MAP3K14: variants seen among roughly 807,000 people sequenced by gnomAD.
MAP3K14 encodes the protein mitogen-activated protein kinase kinase kinase 14, also known as NF-kappa-beta-inducing kinase.
A neutral mutation model predicts 99.2 loss-of-function variants in MAP3K14; 16 were observed. The ratio of observed to expected loss-of-function variants is 0.16; its 90% CI spans 0.11 to 0.24. The LOEUF (loss-of-function observed/expected upper bound fraction) is 0.24, where lower values mean the gene tolerates loss of function less well. MAP3K14 is among the 10% of genes least tolerant of loss of function. The pLI is 1.00. For synonymous variants in MAP3K14, 462 were observed against 492.4 expected (o/e 0.94, Z 0.82); for missense variants, 784 against 1,208.7 (o/e 0.65, Z 5.21).
Position 45,265,152 on chromosome 17 carries a change from G to T in MAP3K14, c.2679+11C>A. On this transcript the variant is annotated intron_variant, in intron 15 of 15. Transcript: ENST00000344686. ...GGACTCTGCCCGTCAGAGTGTACCT[G>T]CCCCCCTTACCTGGCTGCTGATGCC... is the stretch of plus-strand genomic sequence containing the variant. 6.2e-7 allele frequency: 1 copy of T among 1,607,202 alleles called. No homozygotes were observed. Among genetic ancestry groups the T allele is most frequent in the Non-Finnish European group, 8.5e-7 (1 of 1,173,784 alleles).
intron 6 of MAP3K14, 87 bp from the exon 7 acceptor site, chr17:45,274,680 C>T: frequency 2.7e-6 from 4 of 1,477,106 alleles, no homozygotes; most frequent in South Asian, 1.3e-5. Flanking sequence ...TAGTGCTCCA[C>T]ACACAGAGGC....
chr17:45,308,347 A>G (rs2143869032), intron 1 of MAP3K14, among the ~76,000 whole-genome samples: 1 of 152,276 alleles, frequency 6.6e-6, no homozygotes, highest in South Asian at 2.1e-4. Flanking sequence ...GTTACCTAGA[A>G]GCACTGCCTT....
chr17:45,264,412 C>T lies in MAP3K14; in HGVS notation c.*224G>A. On this transcript the variant is annotated 3_prime_UTR_variant, in exon 16 of 16. Transcript: ENST00000344686. ...CTCCTGCCATCCTCCTCTGTCTCTTCACGTGGCGGAGTGTTTTCTCAGCAG... is the reference window on the plus strand; with the variant it reads ...CTCCTGCCATCCTCCTCTGTCTCTTTACGTGGCGGAGTGTTTTCTCAGCAG... 1.8e-6 allele frequency: 1 copy of T among 543,838 alleles called. No individual in the cohort carries two copies. Among genetic ancestry groups the T allele is most frequent in the Non-Finnish European group, 3.3e-6 (1 of 306,904 alleles). 33.7% of individuals were successfully genotyped at this position (543,838 alleles called of 1,614,324 possible). A position where few individuals can be genotyped will look rare whatever the true frequency, so the allele number is the denominator to read the frequency against.
intron 6 of MAP3K14, 78 bp from the exon 7 acceptor site, chr17:45,274,671 A>G: frequency 6.6e-7 from 1 of 1,523,284 alleles, no homozygotes. Context: ...TCAGCACCCT[A>G]GTGCTCCACA....
intron 2 of MAP3K14, 119 bp downstream of exon 2, chr17:45,290,371 T>G: frequency 2.8e-3 from 3,429 of 1,227,550 alleles, no homozygotes; most frequent in Non-Finnish European, 3.5e-3. Context: ...TTGTGTCTCA[T>G]GAGAATCTTA....
At chr17:45,290,960 C>CG (rs1408041769) in intron 1 of MAP3K14, 195 bp from the exon 2 acceptor site, 2 of 564,182 alleles carry the variant, frequency 3.5e-6, no homozygotes, top group Non-Finnish European at 6.3e-6. Context: ...ACGTTCCACA[C>CG]GGCACAGTCC....
At chr17:45,274,646 G>C in intron 6 of MAP3K14, 53 bp from the exon 7 acceptor site, 1 of 1,590,524 alleles carries the variant, frequency 6.3e-7, no homozygotes, top group Non-Finnish European at 8.5e-7. Flanking sequence ...CCAGAGCTGG[G>C]TCCCTGGCAT....
At chr17:45,305,332 G>A (rs949356102) in intron 1 of MAP3K14, among the ~76,000 whole-genome samples, 17 of 150,914 alleles carry the variant, frequency 1.1e-4, no homozygotes, top group Middle Eastern at 3.5e-3. Flanking sequence ...TCCTGACCTC[G>A]TGATCCACCT....
chr17:45,277,250 C>T (rs113896299), intron 6 of MAP3K14, among the ~76,000 whole-genome samples: 3,748 of 152,062 alleles, frequency 0.025, 152 homozygotes, highest in East Asian at 0.16. Context: ...TGTGCTGCAC[C>T]CATTAACTTG....
chr17:45,299,961 G>A (rs543708801), intron 1 of MAP3K14, among the ~76,000 whole-genome samples: 7 of 152,010 alleles, frequency 4.6e-5, no homozygotes, highest in African/African-American at 9.6e-5. Context: ...ATGGTGGCGC[G>A]TGCCTGTAAT....
chr17:45,290,100 T>C (rs2044298574), intron 2 of MAP3K14, among the ~76,000 whole-genome samples: 1 of 152,182 alleles, frequency 6.6e-6, no homozygotes. Context: ...AGGTGGAAGA[T>C]GGTGAAGGCC....
At chr17:45,285,117 C>G (rs2044253541) in intron 5 of MAP3K14, among the ~76,000 whole-genome samples, 168 bp from the exon 6 acceptor site, 1 of 152,130 alleles carries the variant, frequency 6.6e-6, no homozygotes, top group Non-Finnish European at 1.5e-5. Context: ...CCGGGCAGCA[C>G]CAGAGAGGGG....
chr17:45,269,099 C>T (rs1332753393), intron 11 of MAP3K14, among the ~76,000 whole-genome samples: 2 of 152,178 alleles, frequency 1.3e-5, no homozygotes, highest in Admixed American at 6.5e-5. Flanking sequence ...TCACTGCAGC[C>T]TCGACCTTCC....
chr17:45,287,633 C>T (rs1308519094), intron 3 of MAP3K14, among the ~76,000 whole-genome samples: 1 of 152,170 alleles, frequency 6.6e-6, no homozygotes, highest in Non-Finnish European at 1.5e-5. Context: ...AGTGTCTGGC[C>T]CCAAGGCAAG....
chr17:45,286,719 G>T lies in MAP3K14; in HGVS notation c.864C>A (p.Ala288=). ...GCAAGGGTTTCTGGCTGTCTACACAGGCCAGTTTGCCCAGGAAGGACTCCA... is the reference window on the plus strand; with the variant it reads ...GCAAGGGTTTCTGGCTGTCTACACATGCCAGTTTGCCCAGGAAGGACTCCA... ...HPLESFLGKL[A]CVDSQKPLPD... Residue 288 remains alanine (A), a synonymous_variant, in exon 5 of 16, where the codon GCC becomes GCA. Transcript: ENST00000344686. This position sits in a 1 kb window ranked among gnomAD's most constrained non-coding sequence, Gnocchi z 4.1. The T allele has an allele frequency of 6.2e-7, 1 of 1,610,246 alleles. No homozygotes were observed. The highest frequency in any genetic ancestry group is 8.5e-7 in the Non-Finnish European group (1 of 1,178,278).
At chr17:45,316,532 G>A (rs998436235) in intron 1 of MAP3K14, among the ~76,000 whole-genome samples, 6 of 152,210 alleles carry the variant, frequency 3.9e-5, no homozygotes, top group Non-Finnish European at 8.8e-5. Flanking sequence ...AGGCCGGGAG[G>A]GTTTCACGCC....
rs994758788 is a variant in MAP3K14, at chr17:45,286,680, C to T, written c.903G>A (p.Leu301=). The change falls in exon 5 of 16, where the codon CTG becomes CTA. Residue 301 remains leucine (L), a synonymous_variant. Coordinates refer to ENST00000344686, the MANE Select transcript of MAP3K14 (RefSeq NM_003954.5). The surrounding 1 kb of genome is among the most constrained non-coding windows in gnomAD (Gnocchi z 4.1). ...GACTGTCTACACAGGCCAGTTTGCT[C>T]AGGTGTGGGTCAGGCAAGGGTTTCT... The part of the protein sequence containing the change: ...DSQKPLPDPH[L]SKLACVDSPK... 1.2e-6 allele frequency: 2 copies of T among 1,610,252 alleles called. No homozygotes were observed. Among genetic ancestry groups the T allele is most frequent in the Admixed American group, 1.7e-5 (1 of 59,378 alleles).
chr17:45,300,596 C>A (rs2044379487), intron 1 of MAP3K14, among the ~76,000 whole-genome samples: 1 of 152,122 alleles, frequency 6.6e-6, no homozygotes, highest in African/African-American at 2.4e-5. Flanking sequence ...AAAGGCAAGG[C>A]TCAGCCTCTA....
chr17:45,297,411 A>G (rs1186160148), intron 1 of MAP3K14, among the ~76,000 whole-genome samples: 2 of 152,226 alleles, frequency 1.3e-5, no homozygotes, highest in Non-Finnish European at 2.9e-5. Context: ...TCAGCCATCA[A>G]TTTGTCAGAC....
Sources: gnomAD v4.1 joint callset for allele counts (sites outside exome capture counted in the v4.1 genomes callset) on GRCh38, gnomAD v4.1.1 for gene constraint, Gnocchi (gnomAD v3.1) non-coding constraint, MANE v1.5 for transcripts, NCBI Gene and HGNC (gene_info 2026-07-23, HGNC 2026-07-21) for gene names.